The following SLC9A8 variants were observed in gnomAD, a reference collection of about 807,000 sequenced individuals.
The protein encoded by SLC9A8 is solute carrier family 9 member A8.
A neutral mutation model predicts 66.6 loss-of-function variants in SLC9A8; 48 were observed. The ratio of observed to expected loss-of-function variants is 0.72; its 90% confidence interval spans 0.57 to 0.92. The LOEUF is 0.92. Among genes scored for constraint, SLC9A8 ranks in the 40% least tolerant of loss-of-function variants. SLC9A8 has a pLI of 0.00. For missense variants in SLC9A8, 599 were observed against 747.3 expected, an observed-to-expected ratio of 0.80 and a Z score of 2.31; for synonymous variants, 274 against 282.6, an observed-to-expected ratio of 0.97 and a Z score of 0.31.
chr20:49,888,614 CT>C lies in SLC9A8; in HGVS notation c.*681del, dbSNP rs1323958884. 1 of 152,890 alleles carries C rather than the reference CT, an allele frequency of 6.5e-6. No homozygotes were observed. Among genetic ancestry groups the C allele is most frequent in the Admixed American group, 6.5e-5 (1 of 15,316 alleles). 9.5% of individuals were successfully genotyped at this position (152,890 alleles called of 1,614,324 possible). On this transcript the variant is annotated 3_prime_UTR_variant, in exon 16 of 16. Coordinates refer to ENST00000361573, the MANE Select transcript of SLC9A8 (RefSeq NM_015266.3). Reference sequence around the variant, plus strand: ...TTACACTGGTACCTTCTGGTATCTTCTTTAGAGCCCCCTGCAAGCTGCAACT... The same window carrying C: ...TTACACTGGTACCTTCTGGTATCTTCTTAGAGCCCCCTGCAAGCTGCAACT...
Position 49,891,307 on chromosome 20 carries a change from C to G in SLC9A8, c.*3371C>G, listed in dbSNP as rs1210832054. 6.6e-6 allele frequency: 1 copy of G among 152,122 alleles called. No individual in the cohort carries two copies. Among genetic ancestry groups the G allele is most frequent in the Non-Finnish European group, 1.5e-5 (1 of 68,048 alleles). The allele number at this position is 152,122 out of a possible 1,614,324, so 9.4% of individuals were successfully genotyped here. On this transcript the variant is annotated 3_prime_UTR_variant, in exon 16 of 16. Coordinates refer to ENST00000361573, the MANE Select transcript of SLC9A8 (RefSeq NM_015266.3). ...GTAGGAAACCCTGAGCTTCCTGATG[C>G]GGAGTCATGAAGCAGAGTCCTCGGG...
At chr20:49,862,864 G>A (rs2088804638) in intron 8 of SLC9A8, 65 bp from the exon 9 acceptor site, 1 of 1,306,682 alleles carries the variant, frequency 7.7e-7, no homozygotes, top group East Asian at 2.4e-5. Context: ...AATGTTTTAA[G>A]TTAATTTCTA....
At chr20:49,879,014 A>T (rs902849982) in intron 12 of SLC9A8, among the ~76,000 whole-genome samples, 1 of 151,972 alleles carries the variant, frequency 6.6e-6, no homozygotes, top group African/African-American at 2.4e-5. Flanking sequence ...AAAGAGCGAA[A>T]GTCCATCTCA....
intron 10 of SLC9A8, among the ~76,000 whole-genome samples, chr20:49,866,779 A>T (rs1478958741): frequency 6.6e-6 from 1 of 152,158 alleles, no homozygotes; most frequent in Non-Finnish European, 1.5e-5. Flanking sequence ...CTATTGGCCC[A>T]CAATATGCTT....
chr20:49,881,515 C>T (rs563566440), intron 13 of SLC9A8, among the ~76,000 whole-genome samples: 1 of 152,278 alleles, frequency 6.6e-6, no homozygotes, highest in East Asian at 1.9e-4. Context: ...TTTTAAAGGA[C>T]GGAAATGATT....
chr20:49,819,260 A>G (rs1389841585), intron 2 of SLC9A8, among the ~76,000 whole-genome samples: 1 of 152,246 alleles, frequency 6.6e-6, no homozygotes, highest in Admixed American at 6.5e-5. Flanking sequence ...TTCCATAGTC[A>G]TTACTCCAGG....
chr20:49,814,129 C>T (rs192748400), intron 1 of SLC9A8, among the ~76,000 whole-genome samples: 4 of 152,278 alleles, frequency 2.6e-5, no homozygotes, highest in East Asian at 3.9e-4. Context: ...GCTGCTCCAT[C>T]CCAGACACTA....
Position 49,886,931 on chromosome 20 carries a change from G to A in SLC9A8, c.1638+33G>A. On this transcript the variant is annotated intron_variant, in intron 15 of 15. Transcript: ENST00000361573. The surrounding 1 kb of genome is among the most constrained non-coding windows in gnomAD (Gnocchi z 4.8). ...ACCGGCCAGGCCACACTTTCTGGGG[G>A]TCCCTTGCCTGCCTCCTTCAGGACC... 3 of 1,593,992 alleles carry A rather than the reference G, an allele frequency of 1.9e-6. No homozygotes were observed. Among genetic ancestry groups the A allele is most frequent in the Non-Finnish European group, 2.6e-6 (3 of 1,167,702 alleles).
intron 5 of SLC9A8, among the ~76,000 whole-genome samples, chr20:49,845,989 C>T (rs1367450798): frequency 2.0e-5 from 3 of 152,192 alleles, no homozygotes; most frequent in Non-Finnish European, 4.4e-5. Context: ...CACACGCCAC[C>T]TTGCCCGGCT....
At chr20:49,827,615 A>G (rs983668692) in intron 3 of SLC9A8, among the ~76,000 whole-genome samples, 12 of 151,956 alleles carry the variant, frequency 7.9e-5, no homozygotes, top group Admixed American at 3.9e-4. Context: ...AAAAAAAAAA[A>G]AAAAGAAAAA....
At chr20:49,863,107 T>C in intron 9 of SLC9A8, 40 bp downstream of exon 9, 1 of 1,550,888 alleles carries the variant, frequency 6.4e-7, no homozygotes, top group Non-Finnish European at 8.7e-7. Context: ...GTTAAAATTA[T>C]TCCTGATAAC....
chr20:49,883,884 C>G lies in SLC9A8; in HGVS notation c.1309C>G (p.Leu437Val). 1 of 1,609,546 alleles carries G rather than the reference C, an allele frequency of 6.2e-7. No homozygotes were observed. Among genetic ancestry groups the G allele is most frequent in the Non-Finnish European group, 8.5e-7 (1 of 1,179,998 alleles). Residue 437 changes from leucine to valine, a missense_variant, in exon 14 of 16, where the codon CTG (leucine) becomes GTG (valine). Physicochemically the swap from Leu to Val is conservative, Grantham distance 32 (BLOSUM62 1). This residue lies in a region of SLC9A8 where 467 missense variants were observed against 626.5 expected (regional missense o/e 0.75). Coordinates refer to ENST00000361573, the MANE Select transcript of SLC9A8 (RefSeq NM_015266.3). The stretch of plus-strand genomic sequence containing the variant: ...CATCCCCTATGCCCTGAGCCTACAC[C>G]TGGACCTGGAGCCCATGGAGAAGCG... Reference protein sequence around the residue: ...GAIPYALSLHLDLEPMEKRQL... With the variant: ...GAIPYALSLHVDLEPMEKRQL...
chr20:49,840,847 C>T (rs559701475), intron 4 of SLC9A8, among the ~76,000 whole-genome samples: 74 of 152,070 alleles, frequency 4.9e-4, no homozygotes, highest in Non-Finnish European at 1.6e-4. Flanking sequence ...TGGGCGTTGG[C>T]GGCTCATGCC....
chr20:49,815,900 A>G (rs1041491782), intron 2 of SLC9A8, among the ~76,000 whole-genome samples: 10 of 152,122 alleles, frequency 6.6e-5, no homozygotes, highest in African/African-American at 2.4e-4. Flanking sequence ...TCCTGGCTTC[A>G]ATCAGAGCAG....
At position 49,886,975 on chromosome 20, in the gene SLC9A8, G is replaced by A; in HGVS notation, c.1638+77G>A. On this transcript the variant is annotated intron_variant, in intron 15 of 15. Transcript: ENST00000361573. The surrounding 1 kb of genome is among the most constrained non-coding windows in gnomAD (Gnocchi z 4.8). ...CAGGACCTGCGGTGGCCCAGGGTGGGGTGGAGGAAGAGTGGGGAGGCAGGA... is the reference window on the plus strand; with the variant it reads ...CAGGACCTGCGGTGGCCCAGGGTGGAGTGGAGGAAGAGTGGGGAGGCAGGA... 1.3e-6 allele frequency: 2 copies of A among 1,498,808 alleles called. No individual in the cohort carries two copies. The highest frequency in any genetic ancestry group is 9.0e-7 in the Non-Finnish European group (1 of 1,107,944). 92.8% of individuals were successfully genotyped at this position (1,498,808 alleles called of 1,614,324 possible).
chr20:49,821,354 A>C (rs1336502433), intron 2 of SLC9A8, among the ~76,000 whole-genome samples: 4 of 152,230 alleles, frequency 2.6e-5, no homozygotes, highest in African/African-American at 4.8e-5. Context: ...CATGTTCATT[A>C]GTCACATGTT....
At chr20:49,884,414 G>C (rs1381594804) in intron 14 of SLC9A8, among the ~76,000 whole-genome samples, 1 of 151,736 alleles carries the variant, frequency 6.6e-6, no homozygotes, top group Non-Finnish European at 1.5e-5. Context: ...GGGGTGTCTG[G>C]TGGCCTTGTG....
At chr20:49,869,875 T>G (rs1006648496) in intron 10 of SLC9A8, among the ~76,000 whole-genome samples, 1 of 151,644 alleles carries the variant, frequency 6.6e-6, no homozygotes, top group Admixed American at 6.6e-5. Context: ...TGGCATGAAG[T>G]TGGCCAAAGA....
chr20:49,868,779 G>A (rs56405223), intron 10 of SLC9A8, among the ~76,000 whole-genome samples: 36,245 of 152,104 alleles, frequency 0.24, 4,562 homozygotes, highest in Non-Finnish European at 0.29. Flanking sequence ...GCTGAGGAGT[G>A]GGGAGCGATG....
Sources: gnomAD v4.1 joint callset for allele counts (sites outside exome capture counted in the v4.1 genomes callset) on GRCh38, gnomAD v4.1.1 for gene constraint, gnomAD v4.1.1 regional missense constraint, Gnocchi (gnomAD v3.1) non-coding constraint, MANE v1.5 for transcripts, NCBI Gene and HGNC (gene_info 2026-07-23, HGNC 2026-07-21) for gene names.